The following DPP10 variants were observed in gnomAD, a reference collection of about 807,000 sequenced individuals.
DPP10 encodes dipeptidyl peptidase like 10, also known as inactive dipeptidyl peptidase 10.
DPP10 carries 33 observed loss-of-function variants against 120.9 expected under a neutral mutation model. The observed-to-expected ratio is 0.27, with a 90% CI of 0.21 to 0.37. The LOEUF is 0.37. Among genes scored for constraint, DPP10 ranks in the 10% least tolerant of loss-of-function variants. The probability of loss-of-function intolerance (pLI) is 1.00; values close to 1 mark genes in which losing one functional copy is unlikely to be tolerated. For missense variants in DPP10, 816 were observed against 942.8 expected, an observed-to-expected ratio of 0.87 and a Z score of 1.76; for synonymous variants, 337 against 326.1, an observed-to-expected ratio of 1.03 and a Z score of -0.36.
chr2:115,409,778 A>G (rs2068802751), intron 3 of DPP10, among the ~76,000 whole-genome samples: 2 of 152,368 alleles, frequency 1.3e-5, no homozygotes, highest in Admixed American at 1.3e-4. Context: ...CCTTCGACCA[A>G]CAAGTGGATA....
chr2:115,689,174 A>C (rs1335360590), intron 5 of DPP10, among the ~76,000 whole-genome samples: 1 of 152,176 alleles, frequency 6.6e-6, no homozygotes, highest in Non-Finnish European at 1.5e-5. Flanking sequence ...AGAAGAAATC[A>C]ATATGAGCTC....
chr2:114,537,379 G>GA lies in DPP10; in HGVS notation c.60+94550dup, dbSNP rs139168904. ...ATAGGAATTCATGTGCATTCAGAAA[G>GA]AAAAAAAAACAGTTGTTCTTGTGTG... On this transcript the variant is annotated intron_variant, in intron 1 of 25. Transcript: ENST00000410059. Among the ~76,000 whole-genome samples, 1,325 of 149,638 alleles carry GA rather than the reference G, an allele frequency of 8.9e-3. 16 individuals carry two copies. The highest frequency in any genetic ancestry group is 0.03 in the African/African-American group (1,211 of 40,856).
At chr2:115,021,175 AG>A (rs141335612) in intron 1 of DPP10, among the ~76,000 whole-genome samples, 59,450 of 151,772 alleles carry the variant, frequency 0.39, 11,831 homozygotes, top group South Asian at 0.53. Context: ...AGATTGGAGC[AG>A]AGCTACGAAA....
At chr2:114,847,530 A>T (rs978011162) in intron 1 of DPP10, among the ~76,000 whole-genome samples, 9 of 152,150 alleles carry the variant, frequency 5.9e-5, no homozygotes, top group African/African-American at 2.2e-4. Flanking sequence ...ACAGTGCCTA[A>T]CACATTAGAG....
chr2:114,543,269 C>A (rs190581917), intron 1 of DPP10, among the ~76,000 whole-genome samples: 1 of 152,168 alleles, frequency 6.6e-6, no homozygotes. Flanking sequence ...GCACTGGCGA[C>A]GTCTTGTTTT....
At chr2:115,227,082 G>T (rs753535735) in intron 1 of DPP10, among the ~76,000 whole-genome samples, 2 of 152,106 alleles carry the variant, frequency 1.3e-5, no homozygotes, top group African/African-American at 4.8e-5. Context: ...TAAAAATAAA[G>T]ACAGATATTG....
At chr2:115,641,643 G>A (rs964711136) in intron 5 of DPP10, among the ~76,000 whole-genome samples, 1 of 152,106 alleles carries the variant, frequency 6.6e-6, no homozygotes, top group Non-Finnish European at 1.5e-5. Context: ...ATACCGAAGT[G>A]CAAGCTCAAT....
chr2:114,770,786 C>G (rs1248240047), intron 1 of DPP10, among the ~76,000 whole-genome samples: 1 of 152,148 alleles, frequency 6.6e-6, no homozygotes, highest in Non-Finnish European at 1.5e-5. Flanking sequence ...AGAATTTTTG[C>G]TATTGTTCTT....
chr2:115,339,322 A>G (rs1257257116), intron 2 of DPP10, among the ~76,000 whole-genome samples: 1 of 152,164 alleles, frequency 6.6e-6, no homozygotes, highest in East Asian at 1.9e-4. Flanking sequence ...GCTGCCGAAG[A>G]TGCAGAGAAA....
chr2:114,688,670 G>C (rs1699528272), intron 1 of DPP10, among the ~76,000 whole-genome samples: 1 of 151,978 alleles, frequency 6.6e-6, no homozygotes, highest in Admixed American at 6.6e-5. Context: ...ATCTTGGCAT[G>C]TGAGGAATCC....
chr2:114,696,624 TG>T (rs2105793959), intron 1 of DPP10, among the ~76,000 whole-genome samples: 1 of 151,758 alleles, frequency 6.6e-6, no homozygotes, highest in Admixed American at 6.6e-5. Context: ...GCAAACTAGA[TG>T]CAATATAAAA....
intron 1 of DPP10, among the ~76,000 whole-genome samples, chr2:114,601,300 C>T (rs949753139): frequency 6.6e-6 from 1 of 151,842 alleles, no homozygotes; most frequent in African/African-American, 2.4e-5. Context: ...AATGAACAAC[C>T]TTTGCTTTCT....
At chr2:115,691,210 C>G (rs2091297124) in intron 7 of DPP10, among the ~76,000 whole-genome samples, 1 of 151,950 alleles carries the variant, frequency 6.6e-6, no homozygotes, top group African/African-American at 2.4e-5. Context: ...ACTTCTCACT[C>G]TCTTAATGGA....
At chr2:114,683,632 C>A (rs569740194) in intron 1 of DPP10, among the ~76,000 whole-genome samples, 40 of 145,068 alleles carry the variant, frequency 2.8e-4, no homozygotes, top group Non-Finnish European at 4.5e-5. Flanking sequence ...CTGTGTGATT[C>A]TTCCTATATC....
rs566730664 is a variant in DPP10, at chr2:114,671,817, T to A, written c.60+228979T>A. Reference sequence around the variant, plus strand: ...CAGAATCCATTGGTTTCTAGTTTCTTGTTTCTGTTATTTAAAAAAAATATA... The same window carrying A: ...CAGAATCCATTGGTTTCTAGTTTCTAGTTTCTGTTATTTAAAAAAAATATA... On this transcript the variant is annotated intron_variant, in intron 1 of 25. Transcript: ENST00000410059. Among the ~76,000 whole-genome samples the A allele has an allele frequency of 1.9e-3, 284 of 152,242 alleles. 1 individual carries two copies. Among genetic ancestry groups the A allele is most frequent in the African/African-American group, 6.6e-3 (276 of 41,558 alleles).
chr2:115,614,005 T>A (rs376357754), intron 5 of DPP10, among the ~76,000 whole-genome samples: 2 of 152,106 alleles, frequency 1.3e-5, no homozygotes, highest in East Asian at 3.9e-4. Flanking sequence ...AGGCATTAAT[T>A]ACCAATAATT....
At chr2:114,933,556 T>G (rs1199524803) in intron 1 of DPP10, among the ~76,000 whole-genome samples, 1 of 152,200 alleles carries the variant, frequency 6.6e-6, no homozygotes, top group Non-Finnish European at 1.5e-5. Context: ...CTACTGGTCC[T>G]CTGAAAGCCC....
In DPP10 at chr2:115,798,298, T is replaced by C. The variant is rs547607785; in HGVS notation, c.1700+6942T>C. 6.6e-4 allele frequency among the ~76,000 whole-genome samples: 101 copies of C among 152,096 alleles called. 2 individuals carry two copies. The highest frequency in any genetic ancestry group is 2.3e-3 in the African/African-American group (95 of 41,534). The stretch of plus-strand genomic sequence containing the variant: ...TCTGTTTTAATTAGTTATTTGTTTT[T>C]AAGAAAAAACATATTAGGATATAAG... On this transcript the variant is annotated intron_variant, in intron 19 of 25. Coordinates refer to ENST00000410059, the MANE Select transcript of DPP10 (RefSeq NM_020868.6).
intron 1 of DPP10, among the ~76,000 whole-genome samples, chr2:115,207,292 A>G (rs552102990): frequency 6.6e-6 from 1 of 152,064 alleles, no homozygotes; most frequent in East Asian, 1.9e-4. Context: ...TTTTCCTCCA[A>G]CAGTCTTGGC....
Sources: gnomAD v4.1 joint callset for allele counts (sites outside exome capture counted in the v4.1 genomes callset) on GRCh38, gnomAD v4.1.1 for gene constraint, MANE v1.5 for transcripts, NCBI Gene and HGNC (gene_info 2026-07-23, HGNC 2026-07-21) for gene names.